Variants in FGF14 observed in about 807,000 individuals in gnomAD.
The protein encoded by FGF14 is fibroblast growth factor 14.
Under a neutral mutation model 25.5 loss-of-function variants are expected in FGF14, and 5 were observed. The ratio of observed to expected loss-of-function variants is 0.20; its 90% CI spans 0.10 to 0.41. The LOEUF (loss-of-function observed/expected upper bound fraction) is 0.41. FGF14 is among the 10% of genes least tolerant of loss of function. The pLI is 1.00. For synonymous variants in FGF14, 138 were observed against 118.3 expected (o/e 1.17, Z -1.08); for missense variants, 222 against 320.1 (o/e 0.69, Z 2.34).
rs2033548618 is a variant in FGF14, at chr13:101,916,739, G to A, written c.-94C>T. On this transcript the variant is annotated 5_prime_UTR_variant, in exon 1 of 5. Coordinates refer to ENST00000376143, the MANE Select transcript of FGF14 (RefSeq NM_004115.4). ...AAGGCGGCGGCGCAGACCGTGGCTC[G>A]CCCTCGGGGCAGAGGAGGGGGTGCC... 30 of 1,144,570 alleles carry A rather than the reference G, an allele frequency of 2.6e-5. No individual in the cohort carries two copies. In the South Asian group the frequency reaches 3.3e-4, roughly 12 times the overall value. The allele number at this position is 1,144,570 out of a possible 1,614,324, so 70.9% of individuals were successfully genotyped here.
At chr13:102,045,532 G>C (rs2140022078) in intron 1 of FGF14, among the ~76,000 whole-genome samples, 1 of 152,182 alleles carries the variant, frequency 6.6e-6, no homozygotes, top group South Asian at 2.1e-4. Flanking sequence ...TCTCTATCAT[G>C]AAAATTCCTT....
Position 101,912,384 on chromosome 13 carries a change from T to C in FGF14, c.193+4069A>G, listed in dbSNP as rs966877885. On this transcript the variant is annotated intron_variant, in intron 1 of 4. Coordinates refer to ENST00000376143, the MANE Select transcript of FGF14 (RefSeq NM_004115.4). Reference sequence around the variant, plus strand: ...CAAGAAACAACTGCATTAGCAGCCATGCCAAAGATTTAGAAAGGTTATTAT... The same window carrying C: ...CAAGAAACAACTGCATTAGCAGCCACGCCAAAGATTTAGAAAGGTTATTAT... Among the ~76,000 whole-genome samples the C allele has an allele frequency of 3.9e-5, 6 of 152,170 alleles. No individual in the cohort carries two copies. The South Asian group carries it at 1.2e-3, about 32-fold the overall frequency.
At chr13:102,379,442 ATGTG>A (rs1406980317) in intron 1 of FGF14, among the ~76,000 whole-genome samples, 1 of 151,630 alleles carries the variant, frequency 6.6e-6, no homozygotes, top group Non-Finnish European at 1.5e-5. Context: ...ATTTATATAT[ATGTG>A]TATGTATATA....
chr13:102,249,283 A>G (rs1293780042), intron 1 of FGF14, among the ~76,000 whole-genome samples: 1 of 152,262 alleles, frequency 6.6e-6, no homozygotes, highest in Admixed American at 6.5e-5. Context: ...TTGTTAAAAA[A>G]GTAGACAGAA....
At chr13:102,398,887 T>A (rs1395702816) in intron 1 of FGF14, among the ~76,000 whole-genome samples, 8 of 143,080 alleles carry the variant, frequency 5.6e-5, no homozygotes, top group Admixed American at 5.6e-4. Context: ...TATATATATG[T>A]ATAATATATA....
At chr13:102,223,183 G>T (rs762434028) in intron 1 of FGF14, among the ~76,000 whole-genome samples, 2 of 152,118 alleles carry the variant, frequency 1.3e-5, no homozygotes, top group Admixed American at 1.3e-4. Flanking sequence ...TAGTATGAGT[G>T]GGGGCAAGGG....
intron 1 of FGF14, among the ~76,000 whole-genome samples, chr13:102,166,079 A>G (rs1357335738): frequency 6.7e-6 from 1 of 149,970 alleles, no homozygotes; most frequent in Admixed American, 6.7e-5. Context: ...TCCATTGAAC[A>G]CTCCCTATTC....
At chr13:102,172,815 G>A (rs2048303563) in intron 1 of FGF14, among the ~76,000 whole-genome samples, 1 of 152,110 alleles carries the variant, frequency 6.6e-6, no homozygotes, top group African/African-American at 2.4e-5. Flanking sequence ...GCTAATATGG[G>A]ACAGAATTAG....
At chr13:102,127,555 C>G (rs1260890008) in intron 1 of FGF14, among the ~76,000 whole-genome samples, 1 of 152,188 alleles carries the variant, frequency 6.6e-6, no homozygotes, top group Non-Finnish European at 1.5e-5. Flanking sequence ...ATTTGTATAA[C>G]TTTTACTCAC....
intron 1 of FGF14, among the ~76,000 whole-genome samples, chr13:102,171,675 T>C (rs111571069): frequency 2.0e-4 from 31 of 152,284 alleles, no homozygotes; most frequent in African/African-American, 6.7e-4. Context: ...GACAGTGCAT[T>C]CTTTTTTTCT....
chr13:101,781,192 T>C (rs1459246136), intron 3 of FGF14, among the ~76,000 whole-genome samples: 1 of 152,192 alleles, frequency 6.6e-6, no homozygotes, highest in Non-Finnish European at 1.5e-5. Context: ...CCTTGAGTGC[T>C]ACATCTGAAA....
intron 1 of FGF14, among the ~76,000 whole-genome samples, chr13:101,988,866 A>T (rs1441669110): frequency 6.6e-6 from 1 of 152,124 alleles, no homozygotes; most frequent in African/African-American, 2.4e-5. Flanking sequence ...TAATAAAAAA[A>T]TAAAATATAT....
rs1447474167 is a variant in FGF14 at position 102,400,066 on chromosome 13, T to G, written c.208+1405A>C. On this transcript the variant is annotated intron_variant, in intron 1 of 4. Coordinates refer to the FGF14 transcript ENST00000376131. This position sits in a 1 kb window ranked among gnomAD's most constrained non-coding sequence, Gnocchi z 4.3. ...GCCTCCGTCCCCGCCCACCCGCACC[T>G]CCTCCTCCTCTGCCTCGCGCTGCAC... is the stretch of plus-strand genomic sequence containing the variant. Among the ~76,000 whole-genome samples, 1 of 138,438 alleles carries G rather than the reference T, an allele frequency of 7.2e-6. No homozygotes were observed. The highest frequency in any genetic ancestry group is 1.6e-5 in the Non-Finnish European group (1 of 63,596). The allele number at this position is 138,438 out of a possible 152,430, so 90.8% of individuals were successfully genotyped here.
At position 102,271,372 on chromosome 13, in the gene FGF14, G is replaced by A. The variant is rs527691914; in HGVS notation, c.208+130099C>T. On this transcript the variant is annotated intron_variant, in intron 1 of 4. Coordinates refer to the FGF14 transcript ENST00000376131. ...GTCCATTTGCCGTGTTCCAGTCACAGCCATTCATGTAATTTTCTCTAAATA... is the reference window on the plus strand; with the variant it reads ...GTCCATTTGCCGTGTTCCAGTCACAACCATTCATGTAATTTTCTCTAAATA... Among the ~76,000 whole-genome samples the A allele has an allele frequency of 9.9e-5, 15 of 152,178 alleles. No homozygotes were observed. In the South Asian group the frequency reaches 3.1e-3, roughly 32 times the overall value.
chr13:102,047,780 G>A (rs1043122197), intron 1 of FGF14, among the ~76,000 whole-genome samples: 2 of 152,020 alleles, frequency 1.3e-5, no homozygotes, highest in Admixed American at 6.6e-5. Flanking sequence ...GTATACATAT[G>A]TAACAAACCT....
At position 102,342,763 on chromosome 13, in the gene FGF14, A is replaced by T. The variant is rs2056990285; in HGVS notation, c.208+58708T>A. Among the ~76,000 whole-genome samples, 3 of 151,968 alleles carry T rather than the reference A, an allele frequency of 2.0e-5. No individual in the cohort carries two copies. In the South Asian group the frequency reaches 6.2e-4, roughly 32 times the overall value. On this transcript the variant is annotated intron_variant, in intron 1 of 4. Coordinates refer to the FGF14 transcript ENST00000376131. ...CTATATGCTTCCTACAAAATTCTAA[A>T]CCCATCTCAGAACACCAGTGGAGGG...
At chr13:101,805,877 A>T (rs2041167059) in intron 3 of FGF14, among the ~76,000 whole-genome samples, 1 of 152,152 alleles carries the variant, frequency 6.6e-6, no homozygotes, top group African/African-American at 2.4e-5. Flanking sequence ...GTTCTAAAAA[A>T]TTTTCCTGAA....
chr13:102,396,508 A>G (rs2058587894), intron 1 of FGF14, among the ~76,000 whole-genome samples: 1 of 152,250 alleles, frequency 6.6e-6, no homozygotes, highest in South Asian at 2.1e-4. Context: ...TACCATATGT[A>G]TAAAAACACT....
intron 1 of FGF14, among the ~76,000 whole-genome samples, chr13:102,228,908 T>C (rs377132851): frequency 2.0e-5 from 3 of 152,228 alleles, no homozygotes; most frequent in East Asian, 1.9e-4. Flanking sequence ...GTCTCGAATA[T>C]ATTTTGGGTT....
Sources: allele counts gnomAD v4.1 joint callset (sites outside exome capture counted in the v4.1 genomes callset), GRCh38; gene constraint gnomAD v4.1.1; non-coding constraint Gnocchi (gnomAD v3.1); transcripts MANE v1.5; gene names NCBI Gene and HGNC (gene_info 2026-07-23, HGNC 2026-07-21).